The following KLF8 variants were observed in gnomAD, a reference collection of about 807,000 sequenced individuals.
KLF8 encodes KLF transcription factor 8, also known as Krueppel-like factor 8.
In KLF8, 10 loss-of-function variants were observed where a neutral mutation model predicts 18.2. The observed-to-expected ratio is 0.55, with a 90% CI of 0.34 to 0.93. The LOEUF (loss-of-function observed/expected upper bound fraction) is 0.93, where lower values mean the gene tolerates loss of function less well. Ranked by LOEUF, KLF8 falls within the 40% of genes least tolerant of loss-of-function variation. The pLI is 0.02. For missense variants in KLF8, 264 were observed against 277.9 expected (o/e 0.95, Z 0.36); for synonymous variants, 109 against 97.3 (o/e 1.12, Z -0.71).
chrX:56,047,952 G>A, the KLF8 span, among the ~76,000 whole-genome samples: 4 of 111,601 alleles, frequency 3.6e-5, no homozygotes, highest in Admixed American at 9.5e-5. Context: ...TTTAATGATT[G>A]CCATTCTAAC....
chrX:56,049,184 T>C, the KLF8 span, among the ~76,000 whole-genome samples: 1 of 111,609 alleles, frequency 9.0e-6, no homozygotes, highest in Non-Finnish European at 1.9e-5. Flanking sequence ...GATGGGGTTT[T>C]CTAGATATAT....
chrX:55,984,557 C>T, the KLF8 span, among the ~76,000 whole-genome samples: 1 of 111,393 alleles, frequency 9.0e-6, no homozygotes, highest in African/African-American at 3.3e-5. Context: ...CATGTCTTTG[C>T]TATTATGAAT....
At chrX:56,256,067 T>C (rs2066790494) in intron 2 of KLF8, among the ~76,000 whole-genome samples, 1 of 111,636 alleles carries the variant, frequency 9.0e-6, no homozygotes, top group Non-Finnish European at 1.9e-5. Context: ...CATTACTTGT[T>C]ATTGGTCTGT....
At chrX:55,914,971 AT>A in the KLF8 span, among the ~76,000 whole-genome samples, 1 of 110,762 alleles carries the variant, frequency 9.0e-6, no homozygotes, top group South Asian at 3.8e-4. Context: ...AATTAGAGGG[AT>A]TTTTTTCACT....
At position 56,269,391 on chromosome X, in the gene KLF8, C is replaced by A. The variant is rs1342844460; in HGVS notation, c.660C>A (p.Pro220=). The A allele has an allele frequency of 8.3e-7, 1 of 1,207,427 alleles. No individual in the cohort carries two copies. ...CTTTGCTTTTAGTGAAAGTTGACCC[C>A]ACCTCCATGTCTCCACTGGAAATTC... is the stretch of plus-strand genomic sequence containing the variant. ...GKNAGSVKVD[P]TSMSPLEIPS... is the part of the protein sequence containing the mutation. Residue 220 remains proline (P), a synonymous_variant, in exon 4 of 6, where the codon CCC becomes CCA. Transcript: ENST00000468660.
chrX:56,073,670 G>T, the KLF8 span, among the ~76,000 whole-genome samples: 5 of 110,305 alleles, frequency 4.5e-5, no homozygotes, highest in Non-Finnish European at 9.5e-5. Context: ...CATGTTTTTT[G>T]ATTAAACCTA....
At chrX:55,914,741 A>G in the KLF8 span, among the ~76,000 whole-genome samples, 9 of 111,526 alleles carry the variant, frequency 8.1e-5, no homozygotes, top group South Asian at 3.1e-3. Flanking sequence ...GACACCAGAG[A>G]TATGCTATGT....
chrX:56,080,076 C>A, the KLF8 span, among the ~76,000 whole-genome samples: 1 of 111,019 alleles, frequency 9.0e-6, no homozygotes, highest in African/African-American at 3.3e-5. Context: ...GAATACAGCA[C>A]CCTGATGGGT....
intron 3 of KLF8, chrX:56,266,546 A>G (rs1358923965): frequency 2.7e-6 from 2 of 746,020 alleles, no homozygotes; most frequent in African/African-American, 2.3e-5. Context: ...GAGAATTCAA[A>G]TGCTATAATC....
the KLF8 span, among the ~76,000 whole-genome samples, chrX:56,112,934 T>C: frequency 1.8e-5 from 2 of 111,584 alleles, no homozygotes; most frequent in Admixed American, 1.9e-4. Flanking sequence ...TTGATGCAGC[T>C]GGACATGGTG....
At chrX:56,202,629 C>T in the KLF8 span, among the ~76,000 whole-genome samples, 1 of 93,589 alleles carries the variant, frequency 1.1e-5, no homozygotes, top group South Asian at 6.0e-4. Context: ...CTCTCTGTGT[C>T]TATGAGTTTC....
At chrX:55,953,677 G>T in the KLF8 span, among the ~76,000 whole-genome samples, 1 of 110,646 alleles carries the variant, frequency 9.0e-6, no homozygotes, top group East Asian at 2.8e-4. Flanking sequence ...ATGTGTCTAT[G>T]GCCAATTGAT....
At chrX:56,071,501 T>A in the KLF8 span, among the ~76,000 whole-genome samples, 28 of 111,952 alleles carry the variant, frequency 2.5e-4, no homozygotes, top group African/African-American at 9.1e-4. Context: ...CAAAAAAGGA[T>A]GTTGAAGAAT....
At chrX:55,961,175 C>T in the KLF8 span, 1 of 248,605 alleles carries the variant, frequency 4.0e-6, no homozygotes, top group South Asian at 5.2e-5. Context: ...CCACTCTGTC[C>T]TGTGGCTGCC....
the KLF8 span, among the ~76,000 whole-genome samples, chrX:56,155,931 T>C: frequency 2.7e-5 from 3 of 112,033 alleles, no homozygotes; most frequent in African/African-American, 9.7e-5. Context: ...GTTACTGCAT[T>C]AATTTGCTTA....
At chrX:56,166,650 T>C in the KLF8 span, among the ~76,000 whole-genome samples, 1 of 112,170 alleles carries the variant, frequency 8.9e-6, no homozygotes, top group Non-Finnish European at 1.9e-5. Flanking sequence ...ATGCCAACTT[T>C]AAAGGTGAGT....
chrX:56,069,124 C>G, the KLF8 span, among the ~76,000 whole-genome samples: 1 of 112,425 alleles, frequency 8.9e-6, no homozygotes, highest in Admixed American at 9.4e-5. Flanking sequence ...GAGGTGACCC[C>G]ACCCACCCAT....
the KLF8 span, among the ~76,000 whole-genome samples, chrX:55,980,078 A>G: frequency 4.5e-5 from 5 of 112,086 alleles, no homozygotes; most frequent in Non-Finnish European, 9.4e-5. Flanking sequence ...ACTGCAGGCC[A>G]GAAAGGAGGC....
At chrX:56,152,684 G>T in the KLF8 span, among the ~76,000 whole-genome samples, 35 of 111,428 alleles carry the variant, frequency 3.1e-4, no homozygotes, top group African/African-American at 1.1e-3. Context: ...ATCAAAGGTA[G>T]TGCTTTATTT....
Sources: allele counts gnomAD v4.1 joint callset (sites outside exome capture counted in the v4.1 genomes callset), GRCh38; gene constraint gnomAD v4.1.1; transcripts MANE v1.5; gene names NCBI Gene and HGNC (gene_info 2026-07-23, HGNC 2026-07-21).